The following SLC24A2 variants were observed in gnomAD, a reference collection of about 807,000 sequenced individuals.
SLC24A2 encodes solute carrier family 24 member 2.
In SLC24A2, 36 loss-of-function variants were observed where a neutral mutation model predicts 62.0. The ratio of observed to expected loss-of-function variants is 0.58; its 90% CI spans 0.44 to 0.77. The LOEUF (loss-of-function observed/expected upper bound fraction) is 0.77. Ranked by LOEUF, SLC24A2 falls within the 30% of genes least tolerant of loss-of-function variation. The probability of loss-of-function intolerance (pLI) is 0.00; values close to 1 mark genes in which losing one functional copy is unlikely to be tolerated. For synonymous variants in SLC24A2, 358 were observed against 294.0 expected, an observed-to-expected ratio of 1.22 and a Z score of -2.23; for missense variants, 846 against 817.9, an observed-to-expected ratio of 1.03 and a Z score of -0.42.
chr9:20,057,438 C>A, the SLC24A2 span, among the ~76,000 whole-genome samples: 1 of 152,134 alleles, frequency 6.6e-6, no homozygotes, highest in African/African-American at 2.4e-5. Context: ...TTACCTAGTC[C>A]TTCCTAACCA....
intron 1 of SLC24A2, among the ~76,000 whole-genome samples, chr9:19,787,349 G>A (rs1823206070): frequency 6.6e-6 from 1 of 152,134 alleles, no homozygotes; most frequent in Admixed American, 6.5e-5. Flanking sequence ...TTTTACAGGT[G>A]AAAATCTATC....
chr9:19,936,726 A>G, the SLC24A2 span, among the ~76,000 whole-genome samples: 1 of 152,200 alleles, frequency 6.6e-6, no homozygotes, highest in African/African-American at 2.4e-5. Flanking sequence ...GAGGTGGAGG[A>G]GGAAACTTAC....
the SLC24A2 span, among the ~76,000 whole-genome samples, chr9:20,250,158 T>C: frequency 2.6e-5 from 4 of 152,200 alleles, no homozygotes; most frequent in African/African-American, 7.2e-5. Flanking sequence ...AGCTCTGTAA[T>C]GTAGATAGGG....
At chr9:20,059,724 C>T in the SLC24A2 span, among the ~76,000 whole-genome samples, 2 of 151,894 alleles carry the variant, frequency 1.3e-5, no homozygotes, top group African/African-American at 4.8e-5. Flanking sequence ...AAATTGAGAA[C>T]CCTATTTTAC....
intron 2 of SLC24A2, among the ~76,000 whole-genome samples, chr9:19,703,551 TG>T (rs1422473480): frequency 6.6e-6 from 1 of 152,128 alleles, no homozygotes; most frequent in African/African-American, 2.4e-5. Flanking sequence ...AGAACAATGG[TG>T]AAAATATTTA....
chr9:20,012,637 C>A, the SLC24A2 span, among the ~76,000 whole-genome samples: 1 of 151,972 alleles, frequency 6.6e-6, no homozygotes. Flanking sequence ...TATAAAAGAT[C>A]CAAAGATCCC....
At position 19,514,799 on chromosome 9, in the gene SLC24A2, G is replaced by A. The variant is rs1832861546; in HGVS notation, c.*1354C>T. ...CCAAAGCCTGGTCCTGGTACCACTCGACCTGGCACTCAGAAACCTTCCTGG... is the reference window on the plus strand; with the variant it reads ...CCAAAGCCTGGTCCTGGTACCACTCAACCTGGCACTCAGAAACCTTCCTGG... On this transcript the variant is annotated 3_prime_UTR_variant, in exon 11 of 11. Transcript: ENST00000341998. The A allele has an allele frequency of 2.0e-5, 3 of 152,138 alleles. No individual in the cohort carries two copies. In the South Asian group the frequency reaches 6.2e-4, roughly 31 times the overall value. 9.4% of individuals were successfully genotyped at this position (152,138 alleles called of 1,614,324 possible). A position where few individuals can be genotyped will look rare whatever the true frequency, so the allele number is the denominator to read the frequency against.
the SLC24A2 span, among the ~76,000 whole-genome samples, chr9:20,304,196 T>TGG: frequency 6.6e-6 from 1 of 152,154 alleles, no homozygotes; most frequent in South Asian, 2.1e-4. Flanking sequence ...TCTCTCCACT[T>TGG]CAGTGGCAGG....
intron 2 of SLC24A2, among the ~76,000 whole-genome samples, chr9:19,692,897 T>C (rs1021720285): frequency 1.3e-5 from 2 of 152,182 alleles, no homozygotes; most frequent in African/African-American, 4.8e-5. Flanking sequence ...TTTCAAGCTT[T>C]ACTCATCAGC....
At chr9:19,815,848 GA>G in the SLC24A2 span, among the ~76,000 whole-genome samples, 1 of 150,788 alleles carries the variant, frequency 6.6e-6, no homozygotes, top group African/African-American at 2.4e-5. Context: ...ATAAAACAAA[GA>G]AATATGTACA....
chr9:20,272,223 G>T, the SLC24A2 span, among the ~76,000 whole-genome samples: 2 of 152,176 alleles, frequency 1.3e-5, no homozygotes, highest in Non-Finnish European at 2.9e-5. Context: ...ATTAGAAAAT[G>T]AAGTCCTTTT....
chr9:20,008,965 G>A, the SLC24A2 span, among the ~76,000 whole-genome samples: 8 of 152,168 alleles, frequency 5.3e-5, no homozygotes, highest in Admixed American at 3.9e-4. Context: ...CAAGAACTCA[G>A]GAGTGAGGCT....
chr9:19,835,287 G>T, the SLC24A2 span, among the ~76,000 whole-genome samples: 6 of 152,162 alleles, frequency 3.9e-5, no homozygotes, highest in Non-Finnish European at 4.4e-5. Flanking sequence ...TGGCAAATTG[G>T]ATAAAGAGTC....
chr9:19,564,684 G>C (rs180821696), intron 7 of SLC24A2, among the ~76,000 whole-genome samples: 11 of 152,254 alleles, frequency 7.2e-5, no homozygotes, highest in African/African-American at 2.6e-4. Flanking sequence ...AATCTTAGAA[G>C]TGAAATGAAA....
At chr9:20,140,530 A>C in the SLC24A2 span, among the ~76,000 whole-genome samples, 4 of 152,292 alleles carry the variant, frequency 2.6e-5, no homozygotes, top group East Asian at 7.7e-4. Flanking sequence ...TATTGGATGC[A>C]GTTCTTAAGC....
At chr9:20,251,899 A>G in the SLC24A2 span, among the ~76,000 whole-genome samples, 39 of 152,200 alleles carry the variant, frequency 2.6e-4, no homozygotes, top group Admixed American at 6.5e-4. Context: ...CACAATGTCC[A>G]GAGGTAGAAC....
rs775676464 is a variant in SLC24A2, at chr9:19,545,888, C to T, written c.1479+4249G>A. 5.3e-5 allele frequency among the ~76,000 whole-genome samples: 8 copies of T among 152,150 alleles called. 1 individual carries two copies. Among genetic ancestry groups the T allele is most frequent in the South Asian group, 4.1e-4 (2 of 4,830 alleles). On this transcript the variant is annotated intron_variant, in intron 8 of 10. Transcript: ENST00000341998. The stretch of plus-strand genomic sequence containing the variant: ...TCCTGACCTTGTGATCTGCCCTCCT[C>T]GGCCTCCCAGAGTGCTGGGATTACA...
rs1017932009 is a variant in SLC24A2 at position 19,776,240 on chromosome 9, T to C, written c.930+9697A>G. On this transcript the variant is annotated intron_variant, in intron 2 of 10. Transcript: ENST00000341998. Reference sequence around the variant, plus strand: ...TTCATCTGTATTTTTAAGTGCCCAGTGAGAAGCACTCAGGTACAAGAGAAC... The same window carrying C: ...TTCATCTGTATTTTTAAGTGCCCAGCGAGAAGCACTCAGGTACAAGAGAAC... 2.0e-5 allele frequency among the ~76,000 whole-genome samples: 3 copies of C among 152,202 alleles called. No individual in the cohort carries two copies. In the South Asian group the frequency reaches 6.2e-4, roughly 32 times the overall value.
the SLC24A2 span, among the ~76,000 whole-genome samples, chr9:20,095,844 T>TTA: frequency 6.6e-6 from 1 of 152,078 alleles, no homozygotes; most frequent in African/African-American, 2.4e-5. Flanking sequence ...AAGGCAAGTC[T>TTA]TATATGGCAG....
Sources: gnomAD v4.1 joint callset for allele counts (sites outside exome capture counted in the v4.1 genomes callset) on GRCh38, gnomAD v4.1.1 for gene constraint, MANE v1.5 for transcripts, NCBI Gene and HGNC (gene_info 2026-07-23, HGNC 2026-07-21) for gene names.